The following SHROOM1 variants were observed in gnomAD, a reference collection of about 807,000 sequenced individuals.
The protein encoded by SHROOM1 is shroom family member 1, also known as protein Shroom1.
Under a neutral mutation model 64.2 loss-of-function variants are expected in SHROOM1, and 53 were observed. The observed-to-expected ratio is 0.83, with a 90% CI of 0.66 to 1.04. The LOEUF (loss-of-function observed/expected upper bound fraction) is 1.04, where lower values mean the gene tolerates loss of function less well. Ranked by LOEUF, SHROOM1 falls within the 50% of genes least tolerant of loss-of-function variation. The pLI, the probability that SHROOM1 is intolerant of heterozygous loss-of-function variation, is 0.00. For synonymous variants in SHROOM1, 490 were observed against 518.9 expected (o/e 0.94, Z 0.76); for missense variants, 1,179 against 1,163.2 (o/e 1.01, Z -0.20).
At chr5:132,824,935 G>C in intron 5 of SHROOM1, 83 bp downstream of exon 5, 1 of 1,601,824 alleles carries the variant, frequency 6.2e-7, no homozygotes, top group Admixed American at 1.7e-5. Context: ...CTGAGGGTAG[G>C]TAGGAAGCCC....
In SHROOM1 at chr5:132,822,896, A is replaced by G; in HGVS notation, c.2459T>C (p.Ile820Thr). 2 of 1,613,590 alleles carry G rather than the reference A, an allele frequency of 1.2e-6. No individual in the cohort carries two copies. The highest frequency in any genetic ancestry group is 2.2e-5 in the South Asian group (2 of 91,080). Residue 820 changes from isoleucine (I) to threonine (T), a missense_variant, in exon 10 of 10, where the codon ATC becomes ACC. Physicochemically the swap from Ile to Thr is moderately conservative, Grantham distance 89. Transcript: ENST00000378679. ...GGCATGATGGCCAAGGTCGTCCCTG[A>G]TGGCGTCCAGTTGGTCCTGAAGGAG... ...IRLLQDQLDA[I>T]RDDLGHHAPS...
At position 132,830,095 on chromosome 5, in the gene SHROOM1, G is replaced by C; in HGVS notation, c.-501+499C>G. 3 of 985,422 alleles carry C rather than the reference G, an allele frequency of 3.0e-6. No individual in the cohort carries two copies. The highest frequency in any genetic ancestry group is 3.6e-6 in the Non-Finnish European group (3 of 829,926). 61.0% of individuals were successfully genotyped at this position (985,422 alleles called of 1,614,324 possible). A position where few individuals can be genotyped will look rare whatever the true frequency, so the allele number is the denominator to read the frequency against. ...GAGGCGCAGGCCCCGGCGGCCGCAG[G>C]GGGCGGCAGAGACACGCGGAGCGGC... is the stretch of plus-strand genomic sequence containing the variant. On this transcript the variant is annotated intron_variant, in intron 1 of 9. Coordinates refer to ENST00000378679, the MANE Select transcript of SHROOM1 (RefSeq NM_001172700.2). This position sits in a 1 kb window ranked among gnomAD's most constrained non-coding sequence, Gnocchi z 5.9.
In SHROOM1 at chr5:132,822,976, C is replaced by T; in HGVS notation, c.2379G>A (p.Leu793=). 1.2e-6 allele frequency: 2 copies of T among 1,609,382 alleles called. No individual in the cohort carries two copies. The highest frequency in any genetic ancestry group is 1.7e-6 in the Non-Finnish European group (2 of 1,179,762). Residue 793 remains leucine, a synonymous_variant, in exon 10 of 10, where the codon CTG becomes CTA. Coordinates refer to ENST00000378679, the MANE Select transcript of SHROOM1 (RefSeq NM_001172700.2). ...GGGCCAGGACGGCGGCCTTGCCCGC[C>T]AGCAGGGCGCAATAGACGCGCAGCT... ...VEELRVYCAL[L]AGKAAVLAQQ...
rs1424062954 is a variant in SHROOM1, at chr5:132,822,614, C to T, written c.*182G>A. The T allele has an allele frequency of 3.2e-6, 2 of 630,460 alleles. No individual in the cohort carries two copies. Among genetic ancestry groups the T allele is most frequent in the Non-Finnish European group, 5.4e-6 (2 of 372,278 alleles). The allele number at this position is 630,460 out of a possible 1,614,324, so 39.1% of individuals were successfully genotyped here. On this transcript the variant is annotated 3_prime_UTR_variant, in exon 10 of 10. Coordinates refer to ENST00000378679, the MANE Select transcript of SHROOM1 (RefSeq NM_001172700.2). The stretch of plus-strand genomic sequence containing the variant: ...TCCTGACCTTGTGATCCGCCCGCCT[C>T]GGCCTCCCAAAGTGCTGGGATTACA...
rs139775323 is a variant in SHROOM1, at chr5:132,825,178, G to C, written c.963C>G (p.Thr321=). Residue 321 remains threonine, a synonymous_variant, in exon 4 of 10, where the codon ACC becomes ACG. Transcript: ENST00000378679. The surrounding 1 kb of genome is among the most constrained non-coding windows in gnomAD (Gnocchi z 5.1). ...ACTTCCATACCTGGACAATGGGTAT[G>C]GTCCCTCCTGATCCTCCCCAGGAAC... ...VLGSWGGSGG[T]IPIVQAVPQG... The C allele has an allele frequency of 5.6e-6, 9 of 1,614,118 alleles. No individual in the cohort carries two copies. In the East Asian group the frequency reaches 1.8e-4, roughly 32 times the overall value.
chr5:132,824,496 C>A, intron 6 of SHROOM1, 77 bp from the exon 7 acceptor site: 1 of 1,522,830 alleles, frequency 6.6e-7, no homozygotes, highest in South Asian at 1.3e-5. Context: ...CCATCTGTCC[C>A]TACCCCCATC....
rs766530009 is a variant in SHROOM1, at chr5:132,824,564, A to T, written c.1241+51T>A. 5.1e-6 allele frequency: 8 copies of T among 1,565,320 alleles called. No individual in the cohort carries two copies. In the Admixed American group the frequency reaches 1.0e-4, roughly 20 times the overall value. ...TTCCCACCCCTCTAGCGTTTTGTAG[A>T]TGTGTGTGTCAGGGGGTGCCTCACG... On this transcript the variant is annotated intron_variant, in intron 6 of 9. Coordinates refer to ENST00000378679, the MANE Select transcript of SHROOM1 (RefSeq NM_001172700.2).
rs966078515 is a variant in SHROOM1 at position 132,822,653 on chromosome 5, G to A, written c.*143C>T. The A allele has an allele frequency of 2.6e-5, 26 of 1,001,994 alleles. No individual in the cohort carries two copies. The East Asian group carries it at 4.0e-4, about 15-fold the overall frequency. 62.1% of individuals were successfully genotyped at this position (1,001,994 alleles called of 1,614,324 possible). A position where few individuals can be genotyped will look rare whatever the true frequency, so the allele number is the denominator to read the frequency against. On this transcript the variant is annotated 3_prime_UTR_variant, in exon 10 of 10. Coordinates refer to ENST00000378679, the MANE Select transcript of SHROOM1 (RefSeq NM_001172700.2). ...GCTGGGATTACAGGCGTGAGCCACCGCGCCCGGCTGGAGGAGTATCTTAGA... is the reference window on the plus strand; with the variant it reads ...GCTGGGATTACAGGCGTGAGCCACCACGCCCGGCTGGAGGAGTATCTTAGA...
In SHROOM1 at chr5:132,826,066, C is replaced by A; in HGVS notation, c.75G>T (p.Leu25=). ...TGTAGGCCGAGTCCGCGCGCATGGA[C>A]AGATGCCACAGGTCCAGGCTGCTAG... The part of the protein sequence containing the change: ...SSTSSLDLWH[L]SMRADSAYSS... Residue 25 remains leucine, a synonymous_variant, in exon 4 of 10, where the codon CTG becomes CTT. Coordinates refer to ENST00000378679, the MANE Select transcript of SHROOM1 (RefSeq NM_001172700.2). 2 of 1,454,410 alleles carry A rather than the reference C, an allele frequency of 1.4e-6. No individual in the cohort carries two copies. The highest frequency in any genetic ancestry group is 1.8e-6 in the Non-Finnish European group (2 of 1,104,466). 90.1% of individuals were successfully genotyped at this position (1,454,410 alleles called of 1,614,324 possible).
At chr5:132,828,482 C>T (rs1183370876) in intron 1 of SHROOM1, among the ~76,000 whole-genome samples, 1 of 152,108 alleles carries the variant, frequency 6.6e-6, no homozygotes, top group Non-Finnish European at 1.5e-5. Flanking sequence ...ACAGTCCCCT[C>T]ATCTAGGAAG....
Position 132,825,539 on chromosome 5 carries a change from G to C in SHROOM1, c.602C>G (p.Ser201Cys). The stretch of plus-strand genomic sequence containing the variant: ...GGCAGTTCCTGGCGCGGGAGCCCGG[G>C]AGCGCGCCGGCTCCCCCTCCCCGCC... The part of the protein sequence containing the change: ...HPGGEGEPAR[S>C]RAPAPGTAGR... The change falls in exon 4 of 10, where the codon TCC becomes TGC. Residue 201 changes from serine (S) to cysteine (C), a missense_variant. Ser to Cys is a moderately radical substitution (Grantham distance 112). Coordinates refer to ENST00000378679, the MANE Select transcript of SHROOM1 (RefSeq NM_001172700.2). The surrounding 1 kb of genome is among the most constrained non-coding windows in gnomAD (Gnocchi z 5.1). The C allele has an allele frequency of 7.0e-7, 1 of 1,437,558 alleles. No individual in the cohort carries two copies. Among genetic ancestry groups the C allele is most frequent in the Non-Finnish European group, 9.1e-7 (1 of 1,103,712 alleles). 89.1% of individuals were successfully genotyped at this position (1,437,558 alleles called of 1,614,324 possible).
At position 132,830,062 on chromosome 5, in the gene SHROOM1, G is replaced by C; in HGVS notation, c.-501+532C>G. On this transcript the variant is annotated intron_variant, in intron 1 of 9. Transcript: ENST00000378679. The surrounding 1 kb of genome is among the most constrained non-coding windows in gnomAD (Gnocchi z 5.9). ...TCAATCTCTGGGAGCCGAGGCACGGGAGGGAGAGAGGCGCAGGCCCCGGCG... is the reference window on the plus strand; with the variant it reads ...TCAATCTCTGGGAGCCGAGGCACGGCAGGGAGAGAGGCGCAGGCCCCGGCG... 2.0e-6 allele frequency: 2 copies of C among 985,366 alleles called. No homozygotes were observed. The highest frequency in any genetic ancestry group is 2.4e-6 in the Non-Finnish European group (2 of 829,898). 61.0% of individuals were successfully genotyped at this position (985,366 alleles called of 1,614,324 possible).
Position 132,826,271 on chromosome 5 carries a change from A to T in SHROOM1, c.-43+6T>A, listed in dbSNP as rs986962938. On this transcript the variant is annotated splice_donor_region_variant and intron_variant, in intron 3 of 9. Coordinates refer to ENST00000378679, the MANE Select transcript of SHROOM1 (RefSeq NM_001172700.2). ...GCCCCGCCACCACGGACGGCCAGAC[A>T]CTTACACTTCCCCTCCCTGGTCACA... The T allele has an allele frequency of 3.2e-6, 4 of 1,255,446 alleles. No individual in the cohort carries two copies. Among genetic ancestry groups the T allele is most frequent in the Non-Finnish European group, 3.0e-6 (3 of 1,001,470 alleles). The allele number at this position is 1,255,446 out of a possible 1,614,324, so 77.8% of individuals were successfully genotyped here.
At position 132,822,874 on chromosome 5, in the gene SHROOM1, A is replaced by T; in HGVS notation, c.2481T>A (p.His827Gln). The change falls in exon 10 of 10, where the codon CAT becomes CAA. Residue 827 changes from histidine (H) to glutamine (Q), a missense_variant. Physicochemically the swap from His to Gln is conservative, Grantham distance 24. Transcript: ENST00000378679. The stretch of plus-strand genomic sequence containing the variant: ...GCCGCGCCGGGCTGGGAGACGGGGC[A>T]TGATGGCCAAGGTCGTCCCTGATGG... ...LDAIRDDLGH[H>Q]APSPSPARPP... 2.5e-6 allele frequency: 4 copies of T among 1,613,624 alleles called. No homozygotes were observed. The highest frequency in any genetic ancestry group is 3.4e-6 in the Non-Finnish European group (4 of 1,179,992).
In SHROOM1 at chr5:132,823,104, G is replaced by A. The variant is rs1456487637; in HGVS notation, c.2251C>T (p.Leu751Phe). The A allele has an allele frequency of 2.5e-6, 4 of 1,578,100 alleles. No homozygotes were observed. The highest frequency in any genetic ancestry group is 3.4e-6 in the Non-Finnish European group (4 of 1,168,890). ...GCGTCCTCCTCCTGCCGCTGCAGGA[G>A]CCGGAGTCGCTGCAGCAGGGAGGCC... ...EQASLLQRLR[L>F]LQRQEEDAKE... The change falls in exon 10 of 10, where the codon CTC becomes TTC. Residue 751 changes from leucine (L) to phenylalanine (F), a missense_variant. Transcript: ENST00000378679. The surrounding 1 kb of genome is among the most constrained non-coding windows in gnomAD (Gnocchi z 4.6).
In SHROOM1 at chr5:132,826,003, G is replaced by A. The variant is rs1432865551; in HGVS notation, c.138C>T (p.Arg46=). The A allele has an allele frequency of 6.5e-7, 1 of 1,532,072 alleles. No homozygotes were observed. The highest frequency in any genetic ancestry group is 1.2e-5 in the South Asian group (1 of 80,708). 94.9% of individuals were successfully genotyped at this position (1,532,072 alleles called of 1,614,324 possible). The change falls in exon 4 of 10, where the codon CGC becomes CGT. Residue 46 remains arginine (R), a synonymous_variant. Transcript: ENST00000378679. ...FSAASGGPEP[R]TQSPGTDLLP... ...GGAGGTCTGTCCCCGGCGACTGCGT[G>A]CGCGGCTCGGGGCCGCCGGAGGCTG...
At chr5:132,829,472 T>TA in intron 1 of SHROOM1, 1 of 691,404 alleles carries the variant, frequency 1.4e-6, no homozygotes, top group Non-Finnish European at 1.8e-6. Context: ...ACTGGGGAAA[T>TA]AGCTGAAGAC....
In SHROOM1 at chr5:132,823,205, A is replaced by G; in HGVS notation, c.2226+45T>C. ...CGGAATGGTTCCAGCCGGAGACAGC[A>G]GGCCCCTCACCGCCCTACTCGCTTG... On this transcript the variant is annotated intron_variant, in intron 9 of 9. Transcript: ENST00000378679. The surrounding 1 kb of genome is among the most constrained non-coding windows in gnomAD (Gnocchi z 4.6). 4 of 1,561,416 alleles carry G rather than the reference A, an allele frequency of 2.6e-6. No homozygotes were observed. In the South Asian group the frequency reaches 3.5e-5, roughly 14 times the overall value.
At position 132,830,625 on chromosome 5, in the gene SHROOM1, C is replaced by T; in HGVS notation, c.-532G>A. The T allele has an allele frequency of 3.0e-6, 3 of 985,356 alleles. No homozygotes were observed. The highest frequency in any genetic ancestry group is 3.6e-6 in the Non-Finnish European group (3 of 829,882). 61.0% of individuals were successfully genotyped at this position (985,356 alleles called of 1,614,324 possible). ...CTCCCGCCGAGACGCGCTCCTGGGCCGTCGCAGCCGCGCGGTGACATCAGA... is the reference window on the plus strand; with the variant it reads ...CTCCCGCCGAGACGCGCTCCTGGGCTGTCGCAGCCGCGCGGTGACATCAGA... On this transcript the variant is annotated 5_prime_UTR_variant, in exon 1 of 10. Transcript: ENST00000378679. The surrounding 1 kb of genome is among the most constrained non-coding windows in gnomAD (Gnocchi z 5.9).
Sources: allele counts gnomAD v4.1 joint callset (sites outside exome capture counted in the v4.1 genomes callset), GRCh38; gene constraint gnomAD v4.1.1; non-coding constraint Gnocchi (gnomAD v3.1); transcripts MANE v1.5; gene names NCBI Gene and HGNC (gene_info 2026-07-23, HGNC 2026-07-21).